The following USP16 variants were observed in gnomAD, a reference collection of about 807,000 sequenced individuals.
USP16 encodes ubiquitin carboxyl-terminal hydrolase 16.
In USP16, 77 loss-of-function variants were observed where a neutral mutation model predicts 95.9. The ratio of observed to expected loss-of-function variants is 0.80; its 90% CI spans 0.67 to 0.97. The LOEUF (loss-of-function observed/expected upper bound fraction) is 0.97, where lower values mean the gene tolerates loss of function less well. Ranked by LOEUF, USP16 falls within the 50% of genes least tolerant of loss-of-function variation. The pLI is 0.00. For missense variants in USP16, 943 were observed against 959.9 expected (o/e 0.98, Z 0.23); for synonymous variants, 303 against 318.2 (o/e 0.95, Z 0.51).
rs887774369 is a variant in USP16 at position 29,036,249 on chromosome 21, A to G, written c.345-22A>G. On this transcript the variant is annotated intron_variant, in intron 4 of 17. Coordinates refer to ENST00000399976, the MANE Select transcript of USP16 (RefSeq NM_006447.3). Reference sequence around the variant, plus strand: ...TTTAGTTGTCATTTTGTCATTTTTCATCTCTGATTTTTGGGTCACAGGTGT... The same window carrying G: ...TTTAGTTGTCATTTTGTCATTTTTCGTCTCTGATTTTTGGGTCACAGGTGT... The G allele has an allele frequency of 1.2e-5, 19 of 1,576,724 alleles. No individual in the cohort carries two copies. The African/African-American group carries it at 1.8e-4, about 15-fold the overall frequency.
At chr21:29,033,716 G>A (rs1002916603) in intron 3 of USP16, among the ~76,000 whole-genome samples, 2 of 152,150 alleles carry the variant, frequency 1.3e-5, no homozygotes, top group Non-Finnish European at 2.9e-5. Flanking sequence ...TTATAGACCA[G>A]GTGAGAAAGG....
At position 29,030,581 on chromosome 21, in the gene USP16, A is replaced by G. The variant is rs763522512; in HGVS notation, c.62-14A>G. The G allele has an allele frequency of 9.0e-6, 14 of 1,548,992 alleles. No homozygotes were observed. The highest frequency in any genetic ancestry group is 1.7e-4 in the Middle Eastern group (1 of 5,768). On this transcript the variant is annotated splice_polypyrimidine_tract_variant and intron_variant, in intron 2 of 17. Coordinates refer to ENST00000399976, the MANE Select transcript of USP16 (RefSeq NM_006447.3). ...TGACCTTATATATTCCTTGTCTATT[A>G]TTTGTTTTAATAGAACCTGTGTGCA...
At chr21:29,030,100 G>A (rs930748327) in intron 2 of USP16, among the ~76,000 whole-genome samples, 6 of 151,650 alleles carry the variant, frequency 4.0e-5, no homozygotes, top group East Asian at 1.9e-4. Context: ...ACCATGTTTC[G>A]GAGATTCTTA....
In USP16 at chr21:29,039,131, G is replaced by T. The variant is rs958387851; in HGVS notation, c.838G>T (p.Glu280Ter). 2 of 1,579,362 alleles carry T rather than the reference G, an allele frequency of 1.3e-6. No homozygotes were observed. The highest frequency in any genetic ancestry group is 1.4e-5 in the African/African-American group (1 of 73,444). Residue 280 changes from glutamate to a stop codon, truncating the protein, a stop_gained, in exon 8 of 18, where the codon GAA becomes TAA. Coordinates refer to ENST00000399976, the MANE Select transcript of USP16 (RefSeq NM_006447.3). LOFTEE classifies it high-confidence loss of function. ...CAAAAAGGGGGTTGTGACACCGAAAGAACTCTTTTCTCAGGTCTGTAAAAA... is the reference window on the plus strand; with the variant it reads ...CAAAAAGGGGGTTGTGACACCGAAATAACTCTTTTCTCAGGTCTGTAAAAA... ...ETKKGVVTPK[E>*]LFSQVCKKAV...
intron 2 of USP16, among the ~76,000 whole-genome samples, chr21:29,028,922 T>C (rs1332303508): frequency 1.3e-5 from 2 of 152,256 alleles, no homozygotes; most frequent in Non-Finnish European, 2.9e-5. Flanking sequence ...ATTTTCCTAA[T>C]ACACATACAT....
At chr21:29,034,497 G>T (rs1273169273) in intron 3 of USP16, among the ~76,000 whole-genome samples, 2 of 151,998 alleles carry the variant, frequency 1.3e-5, no homozygotes, top group Non-Finnish European at 1.5e-5. Context: ...ATTTTTAGTA[G>T]AGATGGGGTT....
chr21:29,032,306 A>G (rs1214298685), intron 3 of USP16, among the ~76,000 whole-genome samples: 1 of 152,196 alleles, frequency 6.6e-6, no homozygotes, highest in East Asian at 1.9e-4. Flanking sequence ...ATCACGGCTC[A>G]CGGCAGCCTT....
At chr21:29,026,571 A>G (rs2084994341) in intron 1 of USP16, 1 of 96,362 alleles carries the variant, frequency 1.0e-5, no homozygotes, top group Admixed American at 1.6e-4. Flanking sequence ...TGGTAGAGAT[A>G]GAGTGTCGCT....
At chr21:29,033,988 G>C (rs1319436717) in intron 3 of USP16, among the ~76,000 whole-genome samples, 2 of 152,238 alleles carry the variant, frequency 1.3e-5, no homozygotes, top group Non-Finnish European at 2.9e-5. Flanking sequence ...AGCGCTCAGT[G>C]TGTTTTTAGC....
intron 8 of USP16, 118 bp downstream of exon 8, chr21:29,039,274 A>G (rs1025489850): frequency 2.6e-6 from 3 of 1,152,512 alleles, no homozygotes; most frequent in Non-Finnish European, 2.2e-6. Context: ...AACCCTCTAT[A>G]TACAAAAGGC....
intron 14 of USP16, 43 bp downstream of exon 14, chr21:29,047,364 G>T (rs765561459): frequency 1.3e-6 from 2 of 1,554,108 alleles, no homozygotes; most frequent in East Asian, 2.3e-5. Flanking sequence ...ATATTCAGGG[G>T]CACATTTTGC....
chr21:29,033,187 T>G (rs1299323526), intron 3 of USP16, among the ~76,000 whole-genome samples: 1 of 152,226 alleles, frequency 6.6e-6, no homozygotes, highest in Admixed American at 6.5e-5. Flanking sequence ...GACATGTCAG[T>G]ATTAACTGCT....
chr21:29,048,048 CGTGTGT>C (rs67919060), intron 14 of USP16, among the ~76,000 whole-genome samples: 3,726 of 123,722 alleles, frequency 0.03, 65 homozygotes, highest in African/African-American at 0.041. Flanking sequence ...AGAGACGATA[CGTGTGT>C]GTGTGTGTGT....
At chr21:29,049,749 CAG>C (rs1342146609) in intron 15 of USP16, among the ~76,000 whole-genome samples, 1 of 152,084 alleles carries the variant, frequency 6.6e-6, no homozygotes, top group African/African-American at 2.4e-5. Flanking sequence ...TTTGTAGAGA[CAG>C]AGTCTCACAG....
At chr21:29,034,165 G>C (rs2085117725) in intron 3 of USP16, among the ~76,000 whole-genome samples, 1 of 152,168 alleles carries the variant, frequency 6.6e-6, no homozygotes, top group Non-Finnish European at 1.5e-5. Flanking sequence ...GAAAGAATAT[G>C]CATGTGAAGA....
intron 1 of USP16, among the ~76,000 whole-genome samples, chr21:29,027,653 C>G (rs2085012592): frequency 1.3e-5 from 2 of 152,204 alleles, no homozygotes; most frequent in South Asian, 4.1e-4. Flanking sequence ...ACCTCTTAAG[C>G]TTGCTAAGAA....
At chr21:29,049,127 GAAAA>G (rs2085375860) in intron 15 of USP16, among the ~76,000 whole-genome samples, 1 of 152,032 alleles carries the variant, frequency 6.6e-6, no homozygotes, top group African/African-American at 2.4e-5. Flanking sequence ...GTTAAAAAAA[GAAAA>G]AGACTGGTGT....
At chr21:29,030,904 G>C (rs1242423484) in intron 3 of USP16, 131 bp downstream of exon 3, 3 of 1,039,102 alleles carry the variant, frequency 2.9e-6, no homozygotes, top group African/African-American at 1.6e-5. Flanking sequence ...TGGAGAACCA[G>C]TTCTGAGATG....
chr21:29,034,938 A>T lies in USP16; in HGVS notation c.342A>T (p.Val114=). 6.2e-7 allele frequency: 1 copy of T among 1,613,028 alleles called. No individual in the cohort carries two copies. The highest frequency in any genetic ancestry group is 8.5e-7 in the Non-Finnish European group (1 of 1,179,146). Reference sequence around the variant, plus strand: ...TTCTTAGTTTGGACAACTGGAGTGTATGGTGAGTTTCAGTTCCTCTGCCTC... The same window carrying T: ...TTCTTAGTTTGGACAACTGGAGTGTTTGGTGAGTTTCAGTTCCTCTGCCTC... ...CLVLSLDNWS[V]WCYVCDNEVQ... Residue 114 remains valine (V), a splice_region_variant and synonymous_variant, in exon 4 of 18, where the codon GTA becomes GTT. Transcript: ENST00000399976.
Sources: gnomAD v4.1 joint callset for allele counts (sites outside exome capture counted in the v4.1 genomes callset) on GRCh38, gnomAD v4.1.1 for gene constraint, MANE v1.5 for transcripts, NCBI Gene and HGNC (gene_info 2026-07-23, HGNC 2026-07-21) for gene names.